The following TMCO5A variants were observed in gnomAD, a reference collection of about 807,000 sequenced individuals.
TMCO5A encodes the protein transmembrane and coiled-coil domain-containing protein 5A.
TMCO5A carries 34 observed loss-of-function variants against 42.3 expected under a neutral mutation model. The ratio of observed to expected loss-of-function variants is 0.80; its 90% CI spans 0.61 to 1.07. TMCO5A has a LOEUF of 1.07. Among genes scored for constraint, TMCO5A ranks in the 50% least tolerant of loss-of-function variants. The pLI, the probability that TMCO5A is intolerant of heterozygous loss-of-function variation, is 0.00. For missense variants in TMCO5A, 357 were observed against 327.9 expected (o/e 1.09, Z -0.69); for synonymous variants, 131 against 115.6 (o/e 1.13, Z -0.86).
rs770776333 is a variant in TMCO5A at position 37,936,410 on chromosome 15, A to G, written c.87A>G (p.Glu29=). 1.9e-6 allele frequency: 3 copies of G among 1,613,228 alleles called. No homozygotes were observed. The South Asian group carries it at 3.3e-5, about 18-fold the overall frequency. ...DLERDTQRID[E]ANQKLLLKIQ... ...AAAGGGATACGCAGAGAATAGATGA[A>G]GCAAATCAGAAACTTCTTCTCAAAA... The change falls in exon 3 of 12, where the codon GAA becomes GAG. Residue 29 remains glutamate (E), a synonymous_variant. Transcript: ENST00000319669.
chr15:37,996,309 T>C, the TMCO5A span, among the ~76,000 whole-genome samples: 3,502 of 152,228 alleles, frequency 0.023, 145 homozygotes, highest in African/African-American at 0.08. Flanking sequence ...CTAATAAGTG[T>C]TGCTGGGAAT....
the TMCO5A span, among the ~76,000 whole-genome samples, chr15:37,986,506 C>A: frequency 6.6e-6 from 1 of 151,390 alleles, no homozygotes; most frequent in Non-Finnish European, 1.5e-5. Context: ...AGTTCAGCAG[C>A]ATTAAGTACA....
At chr15:37,976,249 A>G in the TMCO5A span, among the ~76,000 whole-genome samples, 1 of 152,022 alleles carries the variant, frequency 6.6e-6, no homozygotes, top group African/African-American at 2.4e-5. Flanking sequence ...CATCTTAAAA[A>G]AAAAAAAAAG....
chr15:38,033,231 G>A, the TMCO5A span, among the ~76,000 whole-genome samples: 2 of 152,148 alleles, frequency 1.3e-5, no homozygotes, highest in Non-Finnish European at 2.9e-5. Context: ...TTCCTTAGGT[G>A]GAAAATGAGT....
chr15:38,009,666 C>T, the TMCO5A span, among the ~76,000 whole-genome samples: 1 of 152,156 alleles, frequency 6.6e-6, no homozygotes, highest in African/African-American at 2.4e-5. Context: ...AGCAACACAG[C>T]AGAGCAGTTA....
the TMCO5A span, among the ~76,000 whole-genome samples, chr15:38,027,061 C>G: frequency 6.6e-6 from 1 of 152,100 alleles, no homozygotes; most frequent in Non-Finnish European, 1.5e-5. Flanking sequence ...GGGGTCAGAT[C>G]CCCCACACAG....
chr15:37,982,813 CAT>C, the TMCO5A span, among the ~76,000 whole-genome samples: 9 of 145,804 alleles, frequency 6.2e-5, no homozygotes, highest in East Asian at 3.9e-4. Flanking sequence ...TATTATATTT[CAT>C]ATATATATGT....
intron 11 of TMCO5A, among the ~76,000 whole-genome samples, chr15:37,948,837 T>C (rs1890057580): frequency 6.6e-6 from 1 of 152,044 alleles, no homozygotes. Flanking sequence ...AACCTTCTCA[T>C]GCGTATTGGC....
chr15:37,984,987 T>C, the TMCO5A span, among the ~76,000 whole-genome samples: 1 of 150,962 alleles, frequency 6.6e-6, no homozygotes, highest in Non-Finnish European at 1.5e-5. Flanking sequence ...GATAAACAAA[T>C]AGCCATTAGT....
At chr15:37,944,033 G>A (rs1192174824) in intron 10 of TMCO5A, 1 of 152,022 alleles carries the variant, frequency 6.6e-6, no homozygotes, top group Non-Finnish European at 1.5e-5. Context: ...AACTTTGGTT[G>A]GGCTTTAATT....
At chr15:38,015,602 A>T in the TMCO5A span, among the ~76,000 whole-genome samples, 78,620 of 152,040 alleles carry the variant, frequency 0.52, 21,492 homozygotes, top group African/African-American at 0.69. Flanking sequence ...TGTTTTCACA[A>T]AGATGTTTGT....
intron 11 of TMCO5A, 113 bp downstream of exon 11, chr15:37,947,809 T>C (rs1595596915): frequency 1.6e-6 from 1 of 618,542 alleles, no homozygotes. Context: ...TGTGCACACA[T>C]ACACACACAC....
the TMCO5A span, among the ~76,000 whole-genome samples, chr15:38,009,311 G>C: frequency 6.6e-6 from 1 of 152,162 alleles, no homozygotes; most frequent in African/African-American, 2.4e-5. Context: ...AAAGCAATCA[G>C]TTCCCCTAAA....
chr15:38,003,252 CCTCCCA>C, the TMCO5A span, among the ~76,000 whole-genome samples: 1 of 151,402 alleles, frequency 6.6e-6, no homozygotes, highest in African/African-American at 2.4e-5. Context: ...CTCTCTGTCT[CCTCCCA>C]TCACTCTCTC....
At chr15:37,956,825 G>T (rs535644165) in intron 11 of TMCO5A, 6 of 152,076 alleles carry the variant, frequency 3.9e-5, no homozygotes, top group African/African-American at 1.4e-4. Context: ...AATGAACATC[G>T]ATTTGAAAAT....
At chr15:37,962,289 G>A (rs974822123) in intron 11 of TMCO5A, among the ~76,000 whole-genome samples, 5 of 152,016 alleles carry the variant, frequency 3.3e-5, no homozygotes, top group African/African-American at 1.2e-4. Flanking sequence ...TTCATCTATT[G>A]AGATGATCAT....
chr15:37,949,360 C>T (rs971972358), intron 11 of TMCO5A, among the ~76,000 whole-genome samples: 1 of 152,012 alleles, frequency 6.6e-6, no homozygotes, highest in Non-Finnish European at 1.5e-5. Context: ...CTAAAATATA[C>T]TCTATATGGA....
the TMCO5A span, among the ~76,000 whole-genome samples, chr15:38,026,565 A>G: frequency 5.9e-4 from 90 of 152,362 alleles, 1 homozygote; most frequent in African/African-American, 2.1e-3. Context: ...ATAGAAAAGA[A>G]AACTTCATTT....
At chr15:37,936,283 C>T (rs377615652) in intron 2 of TMCO5A, 31 bp from the exon 3 acceptor site, 57 of 1,588,604 alleles carry the variant, frequency 3.6e-5, no homozygotes, top group Non-Finnish European at 4.7e-5. Flanking sequence ...AGATAACTGG[C>T]CCTTGTTCAT....
Sources: gnomAD v4.1 joint callset for allele counts (sites outside exome capture counted in the v4.1 genomes callset) on GRCh38, gnomAD v4.1.1 for gene constraint, MANE v1.5 for transcripts, NCBI Gene and HGNC (gene_info 2026-07-23, HGNC 2026-07-21) for gene names.